The following GLP2R variants were observed in gnomAD, a reference collection of about 807,000 sequenced individuals.
GLP2R encodes glucagon like peptide 2 receptor, also known as glucagon-like peptide 2 receptor.
In GLP2R, 59 loss-of-function variants were observed where a neutral mutation model predicts 68.2. The ratio of observed to expected loss-of-function variants is 0.87; its 90% CI spans 0.70 to 1.07. The LOEUF is 1.07. Ranked by LOEUF, GLP2R falls within the 50% of genes least tolerant of loss-of-function variation. The pLI is 0.00. For synonymous variants in GLP2R, 270 were observed against 265.4 expected, an observed-to-expected ratio of 1.02 and a Z score of -0.17; for missense variants, 548 against 677.4, an observed-to-expected ratio of 0.81 and a Z score of 2.12.
rs1290629781 is a variant in GLP2R, at chr17:9,887,961, T to A, written c.1314T>A (p.Phe438Leu). 16 of 1,611,962 alleles carry A rather than the reference T, an allele frequency of 9.9e-6. No homozygotes were observed. Among genetic ancestry groups the A allele is most frequent in the African/African-American group, 2.7e-5 (2 of 74,880 alleles). The change falls in exon 12 of 13, where the codon TTT becomes TTA. Residue 438 changes from phenylalanine (F) to leucine (L), a missense_variant. Transcript: ENST00000262441. Reference protein sequence around the residue: ...HGFLVALQYGFANGEVKAELR... With the variant: ...HGFLVALQYGLANGEVKAELR... ...TCCTGGTGGCCTTGCAGTATGGTTT[T>A]GCCAATGGAGAGGTATGATTTCCAC...
At chr17:9,883,539 A>G (rs2067215601) in intron 11 of GLP2R, among the ~76,000 whole-genome samples, 1 of 152,232 alleles carries the variant, frequency 6.6e-6, no homozygotes, top group African/African-American at 2.4e-5. Context: ...AAAACAAAGA[A>G]ATTCATGCCT....
intron 4 of GLP2R, among the ~76,000 whole-genome samples, chr17:9,845,469 C>T (rs895742386): frequency 9.9e-5 from 15 of 152,200 alleles, no homozygotes; most frequent in African/African-American, 3.4e-4. Flanking sequence ...TGAAAATACC[C>T]GCTTTGCAGG....
intron 11 of GLP2R, among the ~76,000 whole-genome samples, chr17:9,883,703 A>G (rs2067216973): frequency 6.6e-6 from 1 of 152,252 alleles, no homozygotes; most frequent in Admixed American, 6.5e-5. Flanking sequence ...AGTGGTATAA[A>G]ATATTCAGAA....
chr17:9,844,668 CTTTT>C (rs71139004), intron 4 of GLP2R, among the ~76,000 whole-genome samples: 4 of 44,314 alleles, frequency 9.0e-5, no homozygotes, highest in Admixed American at 3.5e-4. Flanking sequence ...CTACCTAATT[CTTTT>C]TTTTTTTTTT....
intron 12 of GLP2R, 144 bp downstream of exon 12, chr17:9,888,117 C>T (rs1472347281): frequency 1.3e-6 from 1 of 765,538 alleles, no homozygotes; most frequent in Admixed American, 1.7e-5. Context: ...GTATTGTGAG[C>T]TTCCGGTACA....
chr17:9,845,762 T>TGTGTGC (rs1386092585), intron 4 of GLP2R, among the ~76,000 whole-genome samples: 1 of 151,752 alleles, frequency 6.6e-6, no homozygotes. Flanking sequence ...TGTGTGTGTG[T>TGTGTGC]GTGTGTGTGT....
intron 9 of GLP2R, among the ~76,000 whole-genome samples, chr17:9,869,221 A>G (rs2067068730): frequency 6.6e-6 from 1 of 152,120 alleles, no homozygotes; most frequent in African/African-American, 2.4e-5. Context: ...CCCCTCCTCC[A>G]GCCTTACCCT....
At chr17:9,883,513 G>C (rs916756111) in intron 11 of GLP2R, among the ~76,000 whole-genome samples, 1 of 152,142 alleles carries the variant, frequency 6.6e-6, no homozygotes, top group African/African-American at 2.4e-5. Flanking sequence ...GAAGCTTGAT[G>C]AACTCCAAAA....
intron 3 of GLP2R, among the ~76,000 whole-genome samples, chr17:9,836,696 A>T: frequency 6.6e-6 from 1 of 151,944 alleles, no homozygotes; most frequent in East Asian, 1.9e-4. Context: ...GGTACATGAG[A>T]TGTTTTGATA....
rs532632624 is a variant in GLP2R, at chr17:9,891,337, G to C, written c.*1632G>C. The C allele has an allele frequency of 2.6e-5, 4 of 152,094 alleles. No homozygotes were observed. The highest frequency in any genetic ancestry group is 9.7e-5 in the African/African-American group (4 of 41,410). 9.4% of individuals were successfully genotyped at this position (152,094 alleles called of 1,614,324 possible). A position where few individuals can be genotyped will look rare whatever the true frequency, so the allele number is the denominator to read the frequency against. The stretch of plus-strand genomic sequence containing the variant: ...CATCTCTAAAAAGCTCAAAGTAAAT[G>C]ATCAAAATAAATCATATTTTAATGC... On this transcript the variant is annotated 3_prime_UTR_variant, in exon 13 of 13. Transcript: ENST00000262441.
chr17:9,888,904 A>C (rs1014871841), intron 12 of GLP2R, among the ~76,000 whole-genome samples: 1 of 151,966 alleles, frequency 6.6e-6, no homozygotes, highest in Admixed American at 6.6e-5. Flanking sequence ...AGAGTTTCCA[A>C]CCCCTTTTCA....
chr17:9,889,261 GTAAATTTCCCAAGGGTGGCACAGAGTAGC>G, intron 12 of GLP2R, 80 bp from the exon 13 acceptor site: 1 of 682,648 alleles, frequency 1.5e-6, no homozygotes, highest in South Asian at 1.9e-5. Flanking sequence ...CAGTTAAAAG[GTAAATTTCCCAAGGGTGGCACAGAGTAGC>G]TACTCAATTA....
chr17:9,838,767 T>C (rs903995745), intron 3 of GLP2R, among the ~76,000 whole-genome samples: 1 of 152,162 alleles, frequency 6.6e-6, no homozygotes, highest in African/African-American at 2.4e-5. Flanking sequence ...GTGAAGAGAA[T>C]GTGGAGACCG....
chr17:9,872,051 A>C (rs2067099614), intron 10 of GLP2R, among the ~76,000 whole-genome samples: 1 of 152,124 alleles, frequency 6.6e-6, no homozygotes, highest in South Asian at 2.1e-4. Flanking sequence ...TGGCATATGC[A>C]TTCAGCAGGG....
Position 9,862,084 on chromosome 17 carries a change from TGTAACA to T in GLP2R, c.1055_1056+4del. ...TCATCCGAGGACCCATGATGCTCTG[TGTAACA>T]GTAAGGACCATCCCATCCACCTCTT... On this transcript the variant is annotated inframe_deletion and splice_region_variant, in exon 9 of 13. Coordinates refer to ENST00000262441, the MANE Select transcript of GLP2R (RefSeq NM_004246.3). 6.2e-7 allele frequency: 1 copy of T among 1,611,788 alleles called. No individual in the cohort carries two copies. The highest frequency in any genetic ancestry group is 1.1e-5 in the South Asian group (1 of 91,008).
chr17:9,877,850 C>A (rs2067155703), intron 10 of GLP2R, among the ~76,000 whole-genome samples: 1 of 143,156 alleles, frequency 7.0e-6, no homozygotes, highest in African/African-American at 2.6e-5. Context: ...GCACTCCAGC[C>A]TGGGCGACAG....
At chr17:9,852,338 T>G (rs890953602) in intron 4 of GLP2R, among the ~76,000 whole-genome samples, 1 of 152,214 alleles carries the variant, frequency 6.6e-6, no homozygotes, top group Non-Finnish European at 1.5e-5. Flanking sequence ...TTTCTGTTCC[T>G]GTGTTAGTTT....
Position 9,852,831 on chromosome 17 carries a change from T to A in GLP2R, c.505-1664T>A, listed in dbSNP as rs1210844220. ...CATCATCTTCATCATCATCATCATC[T>A]TCTCCATCAGCAGGAAGTTTTAATT... On this transcript the variant is annotated intron_variant, in intron 4 of 12. Coordinates refer to ENST00000262441, the MANE Select transcript of GLP2R (RefSeq NM_004246.3). 11 of 327,204 alleles carry A rather than the reference T, an allele frequency of 3.4e-5. No homozygotes were observed. In the East Asian group the frequency reaches 7.7e-4, roughly 23 times the overall value. The allele number at this position is 327,204 out of a possible 1,614,324, so 20.3% of individuals were successfully genotyped here. A position where few individuals can be genotyped will look rare whatever the true frequency, so the allele number is the denominator to read the frequency against.
chr17:9,859,658 C>T (rs992417916), intron 6 of GLP2R, among the ~76,000 whole-genome samples: 1 of 143,914 alleles, frequency 6.9e-6, no homozygotes, highest in Non-Finnish European at 1.5e-5. Flanking sequence ...TATATACATA[C>T]ATATACAAAA....
Sources: allele counts gnomAD v4.1 joint callset (sites outside exome capture counted in the v4.1 genomes callset), GRCh38; gene constraint gnomAD v4.1.1; transcripts MANE v1.5; gene names NCBI Gene and HGNC (gene_info 2026-07-23, HGNC 2026-07-21).